The following MAPKAP1 variants were observed in gnomAD, a reference collection of about 807,000 sequenced individuals.
The protein encoded by MAPKAP1 is MAPK associated protein 1.
MAPKAP1 carries 20 observed loss-of-function variants against 65.7 expected under a neutral mutation model. That is an observed-to-expected ratio of 0.30 (90% confidence interval 0.21 to 0.44). The LOEUF is 0.44. Among genes scored for constraint, MAPKAP1 ranks in the 20% least tolerant of loss-of-function variants. The probability of loss-of-function intolerance (pLI) is 1.00; values close to 1 mark genes in which losing one functional copy is unlikely to be tolerated. For synonymous variants in MAPKAP1, 222 were observed against 244.3 expected (o/e 0.91, Z 0.85); for missense variants, 423 against 648.0 (o/e 0.65, Z 3.77).
At chr9:125,687,817 T>C (rs1465419269) in intron 1 of MAPKAP1, among the ~76,000 whole-genome samples, 1 of 152,090 alleles carries the variant, frequency 6.6e-6, no homozygotes, top group Non-Finnish European at 1.5e-5. Flanking sequence ...TACAGAAAGC[T>C]AAAAAGCACG....
intron 10 of MAPKAP1, 149 bp downstream of exon 10, chr9:125,467,823 C>T (rs1293058521): frequency 2.0e-5 from 17 of 858,638 alleles, no homozygotes; most frequent in Middle Eastern, 3.3e-4. Context: ...AATACAATCC[C>T]GTTTGATTAA....
intron 4 of MAPKAP1, among the ~76,000 whole-genome samples, chr9:125,644,353 C>A (rs1219049456): frequency 6.6e-6 from 1 of 151,668 alleles, no homozygotes; most frequent in East Asian, 1.9e-4. Flanking sequence ...TAGTAAGAGT[C>A]CTTGAAAAAA....
chr9:125,609,221 G>A (rs1832527628), intron 4 of MAPKAP1, among the ~76,000 whole-genome samples: 1 of 152,170 alleles, frequency 6.6e-6, no homozygotes, highest in Non-Finnish European at 1.5e-5. Context: ...TGATGGGAAT[G>A]AAAATTCCTA....
rs73591548 is a variant in MAPKAP1, at chr9:125,484,653, C to A, written c.1067-70G>T. On this transcript the variant is annotated intron_variant, in intron 8 of 11. Coordinates refer to ENST00000265960, the MANE Select transcript of MAPKAP1 (RefSeq NM_001006617.3). ...TGGCAAATGGTGTCTGCTTAAAATGCTTTGGGATAAATTAAAATAATATGG... is the reference window on the plus strand; with the variant it reads ...TGGCAAATGGTGTCTGCTTAAAATGATTTGGGATAAATTAAAATAATATGG... 3.1e-3 allele frequency: 4,528 copies of A among 1,469,582 alleles called. 79 individuals are homozygous for A. In the African/African-American group the frequency reaches 0.047, roughly 15 times the overall value. 91.0% of individuals were successfully genotyped at this position (1,469,582 alleles called of 1,614,324 possible).
intron 5 of MAPKAP1, among the ~76,000 whole-genome samples, chr9:125,563,613 C>T (rs1219139127): frequency 9.2e-5 from 14 of 152,144 alleles, no homozygotes. Flanking sequence ...AGTAAAATGA[C>T]TGGCATTTAG....
At chr9:125,573,922 C>T (rs1831316252) in intron 5 of MAPKAP1, among the ~76,000 whole-genome samples, 1 of 152,190 alleles carries the variant, frequency 6.6e-6, no homozygotes. Flanking sequence ...GTTTAACTAT[C>T]TGAATTAATT....
intron 4 of MAPKAP1, among the ~76,000 whole-genome samples, chr9:125,618,933 A>G (rs551342972): frequency 1.3e-5 from 2 of 152,272 alleles, no homozygotes; most frequent in East Asian, 3.9e-4. Flanking sequence ...GAAGTTTGAG[A>G]TCAGCCTGGA....
In MAPKAP1 at chr9:125,632,225, G is replaced by GAAAAAAAAAA. The variant is rs57409863; in HGVS notation, c.498+25416_498+25425dup. Reference sequence around the variant, plus strand: ...TGACAGAGCAAGACTCCGTCTCAAAGAAAAAAAAAAAAGAAGAAACTCACC... The same window carrying GAAAAAAAAAA: ...TGACAGAGCAAGACTCCGTCTCAAAGAAAAAAAAAAAAAAAAAAAAAAGAAGAAACTCACC... On this transcript the variant is annotated intron_variant, in intron 4 of 11. Transcript: ENST00000265960. Among the ~76,000 whole-genome samples, 13 of 143,370 alleles carry GAAAAAAAAAA rather than the reference G, an allele frequency of 9.1e-5. 1 individual carries two copies. Among genetic ancestry groups the GAAAAAAAAAA allele is most frequent in the African/African-American group, 1.3e-4 (5 of 37,568 alleles). 94.1% of individuals were successfully genotyped at this position (143,370 alleles called of 152,430 possible). A position where few individuals can be genotyped will look rare whatever the true frequency, so the allele number is the denominator to read the frequency against.
chr9:125,483,311 C>T (rs1235095030), intron 9 of MAPKAP1, among the ~76,000 whole-genome samples: 1 of 152,186 alleles, frequency 6.6e-6, no homozygotes, highest in Non-Finnish European at 1.5e-5. Flanking sequence ...ATTTGTGATT[C>T]TCTTGCCCAT....
chr9:125,470,290 C>T (rs1853853951), intron 9 of MAPKAP1, among the ~76,000 whole-genome samples: 2 of 152,156 alleles, frequency 1.3e-5, no homozygotes, highest in Admixed American at 1.3e-4. Context: ...AGAAATGACA[C>T]CCAAAGTGGC....
At chr9:125,495,827 A>G (rs954198528) in intron 8 of MAPKAP1, among the ~76,000 whole-genome samples, 2 of 152,208 alleles carry the variant, frequency 1.3e-5, no homozygotes, top group Admixed American at 1.3e-4. Flanking sequence ...CAATGCCCAA[A>G]GGGGCCTGTG....
rs144844612 is a variant in MAPKAP1, at chr9:125,679,165, C to T, written c.-69-6522G>A. ...TATAAGTGTGCACCACCACGCCCCACTAAGTTTTGTATTTTTAGTAGAGAC... is the reference window on the plus strand; with the variant it reads ...TATAAGTGTGCACCACCACGCCCCATTAAGTTTTGTATTTTTAGTAGAGAC... On this transcript the variant is annotated intron_variant, in intron 1 of 11. Coordinates refer to ENST00000265960, the MANE Select transcript of MAPKAP1 (RefSeq NM_001006617.3). 5.9e-4 allele frequency among the ~76,000 whole-genome samples: 90 copies of T among 152,250 alleles called. 1 individual carries two copies. The East Asian group carries it at 0.014, about 24-fold the overall frequency.
chr9:125,524,139 C>A (rs752814069), intron 7 of MAPKAP1, among the ~76,000 whole-genome samples: 61 of 152,342 alleles, frequency 4.0e-4, no homozygotes, highest in African/African-American at 1.3e-3. Flanking sequence ...ACACTCCCAG[C>A]ACTTTAATTA....
chr9:125,470,137 A>G lies in MAPKAP1; in HGVS notation c.1208-2028T>C, dbSNP rs1046758281. Among the ~76,000 whole-genome samples the G allele has an allele frequency of 2.6e-5, 4 of 152,354 alleles. No individual in the cohort carries two copies. In the East Asian group the frequency reaches 5.8e-4, roughly 22 times the overall value. On this transcript the variant is annotated intron_variant, in intron 9 of 11. Transcript: ENST00000265960. ...ATGCCCCTACAACTCTTGAAGCTGT[A>G]GTCAGTCAATACTGTTAATGTACCT...
intron 6 of MAPKAP1, among the ~76,000 whole-genome samples, chr9:125,548,189 T>C (rs1197043451): frequency 6.6e-6 from 1 of 152,256 alleles, no homozygotes; most frequent in Non-Finnish European, 1.5e-5. Context: ...TTAAAAATCC[T>C]GTTTTGGATT....
At position 125,598,642 on chromosome 9, in the gene MAPKAP1, A is replaced by G. The variant is rs544474595; in HGVS notation, c.499-12915T>C. On this transcript the variant is annotated intron_variant, in intron 4 of 11. Coordinates refer to ENST00000265960, the MANE Select transcript of MAPKAP1 (RefSeq NM_001006617.3). ...TCAATTATAAGCAATGCCACTTACT[A>G]TGTGTGCCTGGACAATTTATTTAAG... Among the ~76,000 whole-genome samples, 71 of 152,306 alleles carry G rather than the reference A, an allele frequency of 4.7e-4. 1 individual carries two copies. Among genetic ancestry groups the G allele is most frequent in the African/African-American group, 1.7e-3 (70 of 41,560 alleles).
intron 4 of MAPKAP1, among the ~76,000 whole-genome samples, chr9:125,628,896 A>G (rs1356780427): frequency 1.3e-5 from 2 of 152,170 alleles, no homozygotes; most frequent in Non-Finnish European, 2.9e-5. Context: ...AAGAACAACA[A>G]CAACAAAAAC....
Position 125,530,866 on chromosome 9 carries a change from G to C in MAPKAP1, c.958+12193C>G, listed in dbSNP as rs186674299. Among the ~76,000 whole-genome samples the C allele has an allele frequency of 7.9e-5, 12 of 152,366 alleles. No individual in the cohort carries two copies. The East Asian group carries it at 2.3e-3, about 29-fold the overall frequency. ...TAAAGAGAAAGCCAGGTTTTATGGCGTGCCTGGCATGATAGTGGCAATAGG... is the reference window on the plus strand; with the variant it reads ...TAAAGAGAAAGCCAGGTTTTATGGCCTGCCTGGCATGATAGTGGCAATAGG... On this transcript the variant is annotated intron_variant, in intron 7 of 11. Transcript: ENST00000265960.
intron 4 of MAPKAP1, among the ~76,000 whole-genome samples, chr9:125,639,240 C>CA (rs1168760381): frequency 2.7e-4 from 41 of 152,076 alleles, no homozygotes; most frequent in South Asian, 2.1e-4. Context: ...GACTCCATCT[C>CA]AAAAAAACAA....
Sources: allele counts gnomAD v4.1 joint callset (sites outside exome capture counted in the v4.1 genomes callset), GRCh38; gene constraint gnomAD v4.1.1; transcripts MANE v1.5; gene names NCBI Gene and HGNC (gene_info 2026-07-23, HGNC 2026-07-21).